The following MSANTD2 variants were observed in gnomAD, a reference collection of about 807,000 sequenced individuals.
MSANTD2 encodes Myb/SANT DNA binding domain containing 2, also known as myb/SANT-like DNA-binding domain-containing protein 2.
A neutral mutation model predicts 52.6 loss-of-function variants in MSANTD2; 19 were observed. The ratio of observed to expected loss-of-function variants is 0.36; its 90% CI spans 0.25 to 0.53. MSANTD2 has a LOEUF of 0.53. MSANTD2 is among the 20% of genes least tolerant of loss of function. The pLI is 0.91. For missense variants in MSANTD2, 558 were observed against 716.3 expected (o/e 0.78, Z 2.52); for synonymous variants, 291 against 289.7 (o/e 1.00, Z -0.04).
chr11:124,799,136 G>C (rs1421767983), intron 1 of MSANTD2, among the ~76,000 whole-genome samples: 1 of 152,132 alleles, frequency 6.6e-6, no homozygotes, highest in Non-Finnish European at 1.5e-5. Flanking sequence ...GGAAAAACTG[G>C]CTTTCCTGAA....
rs1367726764 is a variant in MSANTD2, at chr11:124,767,076, A to T, written c.*100T>A. ...CCCAATTGAAGAAAGGGTTTCCATG[A>T]AGAGTCTGACGGCGGCATCTGGATG... is the stretch of plus-strand genomic sequence containing the variant. On this transcript the variant is annotated 3_prime_UTR_variant, in exon 4 of 4. Transcript: ENST00000374979. This position sits in a 1 kb window ranked among gnomAD's most constrained non-coding sequence, Gnocchi z 6.5. 2 of 1,205,256 alleles carry T rather than the reference A, an allele frequency of 1.7e-6. No individual in the cohort carries two copies. The highest frequency in any genetic ancestry group is 3.1e-5 in the African/African-American group (2 of 65,436). The allele number at this position is 1,205,256 out of a possible 1,614,324, so 74.7% of individuals were successfully genotyped here.
In MSANTD2 at chr11:124,767,360, G is replaced by C; in HGVS notation, c.1496C>G (p.Thr499Ser). ...LFLHFQANTK[T>S]FSKDWVGING... ...AATACCAACCCAATCTTTGCTGAAG[G>C]TTTTGGTATTCGCTTGGAAATGTAA... The change falls in exon 4 of 4, where the codon ACC (threonine) becomes AGC (serine). Residue 499 changes from threonine (T) to serine (S), a missense_variant. This residue lies in a region of MSANTD2 where 408 missense variants were observed against 573.6 expected (regional missense o/e 0.71). Transcript: ENST00000374979. The surrounding 1 kb of genome is among the most constrained non-coding windows in gnomAD (Gnocchi z 6.5). 6.2e-7 allele frequency: 1 copy of C among 1,614,188 alleles called. No homozygotes were observed. Among genetic ancestry groups the C allele is most frequent in the Non-Finnish European group, 8.5e-7 (1 of 1,180,016 alleles).
At chr11:124,795,140 A>C (rs1294648437) in intron 1 of MSANTD2, among the ~76,000 whole-genome samples, 1 of 152,078 alleles carries the variant, frequency 6.6e-6, no homozygotes, top group Non-Finnish European at 1.5e-5. Context: ...CAGCCTCCCA[A>C]AGTATTGCGA....
intron 2 of MSANTD2, among the ~76,000 whole-genome samples, chr11:124,773,988 T>C (rs1365199982): frequency 6.6e-6 from 1 of 152,222 alleles, no homozygotes; most frequent in East Asian, 1.9e-4. Flanking sequence ...GAGCATGTAA[T>C]GCGCAAAGAA....
At position 124,767,074 on chromosome 11, in the gene MSANTD2, T is replaced by C; in HGVS notation, c.*102A>G. ...GGCCCAATTGAAGAAAGGGTTTCCATGAAGAGTCTGACGGCGGCATCTGGA... is the reference window on the plus strand; with the variant it reads ...GGCCCAATTGAAGAAAGGGTTTCCACGAAGAGTCTGACGGCGGCATCTGGA... On this transcript the variant is annotated 3_prime_UTR_variant, in exon 4 of 4. Transcript: ENST00000374979. The surrounding 1 kb of genome is among the most constrained non-coding windows in gnomAD (Gnocchi z 6.5). 8.4e-7 allele frequency: 1 copy of C among 1,192,772 alleles called. No individual in the cohort carries two copies. Among genetic ancestry groups the C allele is most frequent in the Non-Finnish European group, 1.2e-6 (1 of 846,310 alleles). The allele number at this position is 1,192,772 out of a possible 1,614,324, so 73.9% of individuals were successfully genotyped here.
At chr11:124,791,910 A>G (rs1945344804) in intron 1 of MSANTD2, 2 of 354,162 alleles carry the variant, frequency 5.6e-6, no homozygotes, top group Non-Finnish European at 5.4e-6. Context: ...ATCAGAGTAT[A>G]TTACATGTAG....
intron 1 of MSANTD2, among the ~76,000 whole-genome samples, chr11:124,797,259 C>T (rs1468643240): frequency 6.6e-6 from 1 of 152,136 alleles, no homozygotes; most frequent in Non-Finnish European, 1.5e-5. Flanking sequence ...CCAAGGCAGG[C>T]GGATCGCTTG....
At chr11:124,785,617 G>A (rs974608886) in intron 1 of MSANTD2, among the ~76,000 whole-genome samples, 1 of 152,104 alleles carries the variant, frequency 6.6e-6, no homozygotes, top group African/African-American at 2.4e-5. Flanking sequence ...CACCTTGGGT[G>A]AGACAGTTGC....
At chr11:124,795,169 A>G (rs1565469431) in intron 1 of MSANTD2, among the ~76,000 whole-genome samples, 1 of 152,146 alleles carries the variant, frequency 6.6e-6, no homozygotes, top group Non-Finnish European at 1.5e-5. Flanking sequence ...ATGAACCACC[A>G]TGCCCGGCCT....
intron 1 of MSANTD2, among the ~76,000 whole-genome samples, chr11:124,781,814 G>A (rs968184514): frequency 4.1e-4 from 62 of 152,036 alleles, no homozygotes; most frequent in African/African-American, 1.4e-3. Flanking sequence ...CACCACGCTC[G>A]GCTAATTTTT....
chr11:124,785,207 C>T (rs1415482971), intron 1 of MSANTD2, among the ~76,000 whole-genome samples: 4 of 152,208 alleles, frequency 2.6e-5, no homozygotes, highest in African/African-American at 7.2e-5. Context: ...CAAACATTTT[C>T]CTTACATGGC....
rs775320959 is a variant in MSANTD2 at position 124,799,921 on chromosome 11, C to T, written c.460G>A (p.Ala154Thr). Residue 154 changes from alanine (A) to threonine (T), a missense_variant, in exon 1 of 4, where the codon GCC (alanine) becomes ACC (threonine). By Grantham distance (58) the Ala-to-Thr change is moderately conservative (BLOSUM62 0). Around this residue, in one of 2 missense-constraint regions of MSANTD2, gnomAD observed 408 missense variants for 573.6 expected, o/e 0.71. Transcript: ENST00000374979. ...AMYERVSRAL[A>T]ELGYERTPSQ... The stretch of plus-strand genomic sequence containing the variant: ...GGGGTCCGCTCGTAGCCCAGCTCGG[C>T]CAGGGCCCGGGACACGCGCTCGTAC... 2 of 1,585,446 alleles carry T rather than the reference C, an allele frequency of 1.3e-6. No homozygotes were observed. The highest frequency in any genetic ancestry group is 1.7e-6 in the Non-Finnish European group (2 of 1,174,084).
intron 3 of MSANTD2, 65 bp downstream of exon 3, chr11:124,772,929 G>C: frequency 1.0e-6 from 1 of 998,946 alleles, no homozygotes; most frequent in East Asian, 2.4e-5. Context: ...AATATTTTCT[G>C]ATCTTCCCAA....
Position 124,774,762 on chromosome 11 carries a change from G to C in MSANTD2, c.723C>G (p.Asn241Lys). ...GATAGCCATGGAGATCCTGACTGTG[G>C]TTTCCCCAGTCCTCCTGTGAATAGT... Reference protein sequence around the residue: ...MEDYSQEDWGNHSQDLHGYPT... With the variant: ...MEDYSQEDWGKHSQDLHGYPT... The change falls in exon 2 of 4, where the codon AAC (asparagine) becomes AAG (lysine). Residue 241 changes from asparagine (N) to lysine (K), a missense_variant. Around this residue, in one of 2 missense-constraint regions of MSANTD2, gnomAD observed 408 missense variants for 573.6 expected, o/e 0.71. Coordinates refer to ENST00000374979, the MANE Select transcript of MSANTD2 (RefSeq NM_001308027.2). This position sits in a 1 kb window ranked among gnomAD's most constrained non-coding sequence, Gnocchi z 5.1. The C allele has an allele frequency of 6.2e-7, 1 of 1,614,126 alleles. No homozygotes were observed. Among genetic ancestry groups the C allele is most frequent in the Non-Finnish European group, 8.5e-7 (1 of 1,180,024 alleles).
rs1385031392 is a variant in MSANTD2 at position 124,797,647 on chromosome 11, TTTGA to T, written c.510+2220_510+2223del. 3.3e-5 allele frequency among the ~76,000 whole-genome samples: 5 copies of T among 152,336 alleles called. 1 individual carries two copies. Among genetic ancestry groups the T allele is most frequent in the Admixed American group, 1.3e-4 (2 of 15,298 alleles). On this transcript the variant is annotated intron_variant, in intron 1 of 3. Coordinates refer to ENST00000374979, the MANE Select transcript of MSANTD2 (RefSeq NM_001308027.2). ...ATTACTAATGAAAAAGTCTGGGTTC[TTTGA>T]TTGAAATCACATAAAGAGTAGAGCA...
At position 124,774,620 on chromosome 11, in the gene MSANTD2, C is replaced by T; in HGVS notation, c.766+99G>A. The T allele has an allele frequency of 8.1e-7, 1 of 1,238,802 alleles. No individual in the cohort carries two copies. The highest frequency in any genetic ancestry group is 2.3e-5 in the East Asian group (1 of 43,100). The allele number at this position is 1,238,802 out of a possible 1,614,324, so 76.7% of individuals were successfully genotyped here. On this transcript the variant is annotated intron_variant, in intron 2 of 3. Transcript: ENST00000374979. This position sits in a 1 kb window ranked among gnomAD's most constrained non-coding sequence, Gnocchi z 5.1. ...GCCTTATGCTGACCACTATAGGGAA[C>T]AGTACCAAAGATATTTACAGGTAAT...
intron 1 of MSANTD2, chr11:124,778,937 T>C (rs1450588703): frequency 6.6e-6 from 1 of 152,068 alleles, no homozygotes; most frequent in Non-Finnish European, 1.5e-5. Context: ...ACGGCAGCAA[T>C]GTAGAGAAAG....
chr11:124,783,489 G>A (rs1945054685), intron 1 of MSANTD2, among the ~76,000 whole-genome samples: 1 of 152,060 alleles, frequency 6.6e-6, no homozygotes, highest in African/African-American at 2.4e-5. Context: ...GTGTGGTGAT[G>A]CACACCTGTA....
chr11:124,793,278 G>T lies in MSANTD2; in HGVS notation c.510+6593C>A, dbSNP rs940334650. ...TAAAACTCACAAATAATGATTTAATGTGTATTTTTCAGATTCAGTTTGTTA... is the reference window on the plus strand; with the variant it reads ...TAAAACTCACAAATAATGATTTAATTTGTATTTTTCAGATTCAGTTTGTTA... On this transcript the variant is annotated intron_variant, in intron 1 of 3. Coordinates refer to ENST00000374979, the MANE Select transcript of MSANTD2 (RefSeq NM_001308027.2). 3.9e-5 allele frequency among the ~76,000 whole-genome samples: 6 copies of T among 152,266 alleles called. No individual in the cohort carries two copies. The East Asian group carries it at 1.2e-3, about 29-fold the overall frequency.
Sources: allele counts gnomAD v4.1 joint callset (sites outside exome capture counted in the v4.1 genomes callset), GRCh38; gene constraint gnomAD v4.1.1; regional missense constraint gnomAD v4.1.1; non-coding constraint Gnocchi (gnomAD v3.1); transcripts MANE v1.5; gene names NCBI Gene and HGNC (gene_info 2026-07-23, HGNC 2026-07-21).